Variants in RBFOX1 observed in about 807,000 individuals in gnomAD.
RBFOX1 encodes RNA binding protein fox-1 homolog 1.
RBFOX1 carries 8 observed loss-of-function variants against 57.7 expected under a neutral mutation model. The ratio of observed to expected loss-of-function variants is 0.14; its 90% CI spans 0.08 to 0.25. The LOEUF (loss-of-function observed/expected upper bound fraction) is 0.25, where lower values mean the gene tolerates loss of function less well. Among genes scored for constraint, RBFOX1 ranks in the 10% least tolerant of loss-of-function variants. The probability of loss-of-function intolerance (pLI) is 1.00; values close to 1 mark genes in which losing one functional copy is unlikely to be tolerated. For synonymous variants in RBFOX1, 326 were observed against 222.4 expected, an observed-to-expected ratio of 1.47 and a Z score of -4.15; for missense variants, 611 against 548.5, an observed-to-expected ratio of 1.11 and a Z score of -1.14.
At chr16:6,510,794 C>A (rs562331770) in intron 2 of RBFOX1, among the ~76,000 whole-genome samples, 2 of 151,434 alleles carry the variant, frequency 1.3e-5, no homozygotes, top group African/African-American at 2.4e-5. Context: ...CAGTACCTGG[C>A]GGACTGCTAA....
At chr16:6,386,988 A>G (rs1371672545) in intron 2 of RBFOX1, among the ~76,000 whole-genome samples, 1 of 152,198 alleles carries the variant, frequency 6.6e-6, no homozygotes, top group African/African-American at 2.4e-5. Context: ...GCAAAGATGA[A>G]GCTCAGAGAG....
At chr16:5,557,768 G>C (rs772979747) in intron 2 of RBFOX1, among the ~76,000 whole-genome samples, 1 of 152,188 alleles carries the variant, frequency 6.6e-6, no homozygotes, top group Non-Finnish European at 1.5e-5. Context: ...CAAACCTGAA[G>C]ACCCATGGCT....
chr16:6,895,444 G>GTATATATATATA (rs1341028814), intron 3 of RBFOX1, among the ~76,000 whole-genome samples: 8 of 73,464 alleles, frequency 1.1e-4, no homozygotes, highest in East Asian at 4.7e-4. Flanking sequence ...GTGTGTGTGT[G>GTATATATATATA]TGTGTATATA....
At chr16:5,820,311 A>C (rs2055798106) in intron 3 of RBFOX1, among the ~76,000 whole-genome samples, 1 of 152,210 alleles carries the variant, frequency 6.6e-6, no homozygotes, top group Non-Finnish European at 1.5e-5. Flanking sequence ...AATAGGGCAC[A>C]GAGACGTTTG....
At chr16:6,661,921 G>T (rs1384828144) in intron 3 of RBFOX1, among the ~76,000 whole-genome samples, 2 of 147,302 alleles carry the variant, frequency 1.4e-5, no homozygotes, top group African/African-American at 5.4e-5. Context: ...TAACATCATG[G>T]GAGTTCTACA....
intron 1 of RBFOX1, among the ~76,000 whole-genome samples, chr16:6,082,699 A>G (rs55756340): frequency 0.033 from 5,001 of 152,226 alleles, 296 homozygotes; most frequent in African/African-American, 0.11. Flanking sequence ...TTCCCAAGGA[A>G]GGGACAATGT....
intron 4 of RBFOX1, among the ~76,000 whole-genome samples, chr16:7,308,724 G>A (rs368317425): frequency 3.3e-5 from 5 of 152,322 alleles, no homozygotes; most frequent in East Asian, 1.9e-4. Context: ...ATTAGAAAGC[G>A]ATTCTCAGTT....
upstream of RBFOX1, among the ~76,000 whole-genome samples, chr16:6,015,207 C>T (rs1341576730): frequency 6.6e-6 from 1 of 152,044 alleles, no homozygotes; most frequent in Non-Finnish European, 1.5e-5. Context: ...TTGCTTTTTT[C>T]ATCCTTTTCC....
chr16:7,589,956 C>A (rs921108980), intron 7 of RBFOX1, among the ~76,000 whole-genome samples: 1 of 56,070 alleles, frequency 1.8e-5, no homozygotes. Flanking sequence ...TGTGTGTATG[C>A]GGACATATAA....
intron 1 of RBFOX1, among the ~76,000 whole-genome samples, chr16:6,188,205 A>C (rs1213235189): frequency 4.6e-5 from 7 of 152,108 alleles, no homozygotes; most frequent in Admixed American, 4.6e-4. Flanking sequence ...TGTTCAGTTC[A>C]AACTGGCGTG....
chr16:6,014,571 A>AG (rs959232247), upstream of RBFOX1, among the ~76,000 whole-genome samples: 5 of 152,124 alleles, frequency 3.3e-5, no homozygotes, highest in South Asian at 2.1e-4. Context: ...CCAAGGACTG[A>AG]GGGGGGAACA....
At chr16:5,941,934 C>T (rs928641325) in intron 4 of RBFOX1, among the ~76,000 whole-genome samples, 12 of 151,642 alleles carry the variant, frequency 7.9e-5, no homozygotes, top group African/African-American at 1.2e-4. Flanking sequence ...CTCCTCTATA[C>T]TAGATAACAA....
At chr16:7,400,604 G>C (rs961686897) in intron 4 of RBFOX1, among the ~76,000 whole-genome samples, 3 of 152,178 alleles carry the variant, frequency 2.0e-5, no homozygotes, top group Non-Finnish European at 4.4e-5. Flanking sequence ...TTTGGAAATA[G>C]GTGGTATTGC....
chr16:7,703,465 G>A (rs1265623921), intron 14 of RBFOX1, among the ~76,000 whole-genome samples: 1 of 152,164 alleles, frequency 6.6e-6, no homozygotes, highest in African/African-American at 2.4e-5. Flanking sequence ...GGGGTGAGAA[G>A]CATGGGGAGA....
chr16:7,346,485 C>A (rs1006189082), intron 4 of RBFOX1, among the ~76,000 whole-genome samples: 1 of 152,076 alleles, frequency 6.6e-6, no homozygotes, highest in Admixed American at 6.5e-5. Context: ...TTCACACCTT[C>A]CTCCCATGTT....
At chr16:6,999,327 G>A (rs1002618227) in intron 3 of RBFOX1, among the ~76,000 whole-genome samples, 2 of 151,192 alleles carry the variant, frequency 1.3e-5, no homozygotes, top group Admixed American at 1.3e-4. Flanking sequence ...AAAGTGATGG[G>A]ATGACAGGCA....
intron 4 of RBFOX1, among the ~76,000 whole-genome samples, chr16:7,468,889 C>T (rs1464610900): frequency 6.6e-6 from 1 of 151,946 alleles, no homozygotes. Flanking sequence ...TCCAAATGAC[C>T]TGATTCAGGA....
At chr16:5,904,643 A>T (rs963558160) in intron 4 of RBFOX1, among the ~76,000 whole-genome samples, 1 of 151,932 alleles carries the variant, frequency 6.6e-6, no homozygotes, top group African/African-American at 2.4e-5. Context: ...TGCCCTCAGT[A>T]CCTCAGAATG....
chr16:5,746,730 GCTCT>G (rs1404472887), intron 3 of RBFOX1, among the ~76,000 whole-genome samples: 2 of 152,084 alleles, frequency 1.3e-5, no homozygotes, highest in Admixed American at 6.5e-5. Context: ...TCATGATTTG[GCTCT>G]CTGTTTGTCT....
Sources: gnomAD v4.1 joint callset for allele counts (sites outside exome capture counted in the v4.1 genomes callset) on GRCh38, gnomAD v4.1.1 for gene constraint, MANE v1.5 for transcripts, NCBI Gene and HGNC (gene_info 2026-07-23, HGNC 2026-07-21) for gene names.